MATN2: variants seen among roughly 807,000 people sequenced by gnomAD.
The protein encoded by MATN2 is matrilin 2.
In MATN2, 69 loss-of-function variants were observed where a neutral mutation model predicts 103.2. The observed-to-expected ratio is 0.67, with a 90% confidence interval of 0.55 to 0.82. The LOEUF is 0.82. Ranked by LOEUF, MATN2 falls within the 40% of genes least tolerant of loss-of-function variation. The probability of loss-of-function intolerance (pLI) is 0.00; values close to 1 mark genes in which losing one functional copy is unlikely to be tolerated. For synonymous variants in MATN2, 429 were observed against 450.2 expected, an observed-to-expected ratio of 0.95 and a Z score of 0.60; for missense variants, 1,023 against 1,211.5, an observed-to-expected ratio of 0.84 and a Z score of 2.31.
At chr8:97,939,968 G>T (rs1810500897) in intron 3 of MATN2, among the ~76,000 whole-genome samples, 1 of 152,182 alleles carries the variant, frequency 6.6e-6, no homozygotes, top group South Asian at 2.1e-4. Context: ...ACCTACAGAT[G>T]TAAAATAAGA....
intron 1 of MATN2, among the ~76,000 whole-genome samples, chr8:97,870,523 GA>G (rs61300419): frequency 0.33 from 47,815 of 146,518 alleles, 8,771 homozygotes; most frequent in Non-Finnish European, 0.42. Flanking sequence ...CGTCTCAAAA[GA>G]AAAAAAAAAA....
At chr8:97,892,955 C>T (rs1818680235) in intron 2 of MATN2, among the ~76,000 whole-genome samples, 1 of 152,198 alleles carries the variant, frequency 6.6e-6, no homozygotes, top group South Asian at 2.1e-4. Context: ...CAGTGGGGCT[C>T]CGATGTGGCG....
chr8:98,000,617 T>C (rs1455353203), intron 7 of MATN2, among the ~76,000 whole-genome samples: 2 of 81,298 alleles, frequency 2.5e-5, no homozygotes, highest in Non-Finnish European at 5.7e-5. Context: ...AAAAGAAATA[T>C]GGTTAACAAT....
intron 10 of MATN2, among the ~76,000 whole-genome samples, chr8:98,011,472 G>A (rs949623403): frequency 2.0e-5 from 3 of 152,188 alleles, no homozygotes; most frequent in Non-Finnish European, 2.9e-5. Context: ...GGCCCTGGTC[G>A]GGGAGTCAGT....
At chr8:97,989,501 C>T (rs7835393) in intron 6 of MATN2, among the ~76,000 whole-genome samples, 1 of 151,294 alleles carries the variant, frequency 6.6e-6, no homozygotes, top group African/African-American at 2.4e-5. Context: ...AAGGTAACTG[C>T]CTCAATCTGA....
chr8:98,000,383 G>A (rs1812737558), intron 7 of MATN2, among the ~76,000 whole-genome samples: 1 of 151,426 alleles, frequency 6.6e-6, no homozygotes, highest in Non-Finnish European at 1.5e-5. Context: ...TGGATCACAA[G>A]GTCAGGAGAT....
At chr8:97,877,669 T>A (rs1436364068) in intron 1 of MATN2, among the ~76,000 whole-genome samples, 1 of 152,002 alleles carries the variant, frequency 6.6e-6, no homozygotes, top group Non-Finnish European at 1.5e-5. Context: ...TCAGTTGTCA[T>A]AAATGCAATT....
intron 2 of MATN2, among the ~76,000 whole-genome samples, chr8:97,889,421 C>T (rs928199343): frequency 6.8e-6 from 1 of 146,182 alleles, no homozygotes; most frequent in Non-Finnish European, 1.5e-5. Context: ...AAAGAAATTC[C>T]AAGATGATAA....
At chr8:97,874,858 C>T (rs1188552865) in intron 1 of MATN2, among the ~76,000 whole-genome samples, 1 of 151,978 alleles carries the variant, frequency 6.6e-6, no homozygotes, top group Non-Finnish European at 1.5e-5. Flanking sequence ...GCTGGGATTA[C>T]AGGCGCGAGC....
intron 7 of MATN2, among the ~76,000 whole-genome samples, chr8:98,001,896 C>A (rs551906954): frequency 6.6e-6 from 1 of 152,294 alleles, no homozygotes; most frequent in Admixed American, 6.5e-5. Context: ...CAAAGAAGAA[C>A]ATGGTTGCCA....
At chr8:98,003,548 C>A in intron 7 of MATN2, 113 bp from the exon 8 acceptor site, 2 of 1,209,360 alleles carry the variant, frequency 1.7e-6, no homozygotes, top group South Asian at 2.7e-5. Flanking sequence ...CTTGCCTCAG[C>A]AGGCAGCACC....
rs1053941273 is a variant in MATN2, at chr8:98,036,393, G to A, written c.*681G>A. Reference sequence around the variant, plus strand: ...CAAAAATGAGTATATTTTTTAACAAGTGTTGGTAAGGATGTGGAAATGTGA... The same window carrying A: ...CAAAAATGAGTATATTTTTTAACAAATGTTGGTAAGGATGTGGAAATGTGA... On this transcript the variant is annotated 3_prime_UTR_variant, in exon 19 of 19. Coordinates refer to ENST00000254898, the MANE Select transcript of MATN2 (RefSeq NM_002380.5). 1 of 152,158 alleles carries A rather than the reference G, an allele frequency of 6.6e-6. No homozygotes were observed. Among genetic ancestry groups the A allele is most frequent in the African/African-American group, 2.4e-5 (1 of 41,426 alleles). The allele number at this position is 152,158 out of a possible 1,614,324, so 9.4% of individuals were successfully genotyped here. A position where few individuals can be genotyped will look rare whatever the true frequency, so the allele number is the denominator to read the frequency against.
chr8:97,991,189 G>A (rs559418744), intron 6 of MATN2, among the ~76,000 whole-genome samples: 3 of 152,304 alleles, frequency 2.0e-5, no homozygotes, highest in Admixed American at 6.5e-5. Flanking sequence ...GGAGCCACAC[G>A]TGGCCACTGA....
chr8:97,925,522 G>A (rs1381691064), intron 2 of MATN2, among the ~76,000 whole-genome samples: 1 of 152,136 alleles, frequency 6.6e-6, no homozygotes, highest in Non-Finnish European at 1.5e-5. Flanking sequence ...TCTAAGGTGT[G>A]TGTGAAGAAT....
intron 6 of MATN2, among the ~76,000 whole-genome samples, chr8:97,979,518 G>C (rs1244902075): frequency 2.6e-5 from 4 of 152,160 alleles, no homozygotes; most frequent in African/African-American, 9.7e-5. Flanking sequence ...ATAAAAATCA[G>C]AATTAATTTC....
intron 2 of MATN2, among the ~76,000 whole-genome samples, chr8:97,926,757 AT>A (rs1047907637): frequency 6.6e-6 from 1 of 152,174 alleles, no homozygotes; most frequent in Non-Finnish European, 1.5e-5. Flanking sequence ...CCTCTAGAAC[AT>A]TTTGGCTTCG....
chr8:98,012,971 C>G (rs1200994327), intron 10 of MATN2, among the ~76,000 whole-genome samples: 1 of 152,208 alleles, frequency 6.6e-6, no homozygotes, highest in Non-Finnish European at 1.5e-5. Flanking sequence ...CAGATAAGTG[C>G]TCCGTAAACA....
chr8:97,926,352 T>C (rs945474437), intron 2 of MATN2, among the ~76,000 whole-genome samples: 1 of 152,208 alleles, frequency 6.6e-6, no homozygotes, highest in African/African-American at 2.4e-5. Context: ...GGAAATCCAT[T>C]TCCTGGAAAC....
intron 3 of MATN2, 61 bp from the exon 4 acceptor site, chr8:97,941,716 G>A (rs1346989134): frequency 1.3e-6 from 2 of 1,532,542 alleles, no homozygotes; most frequent in Non-Finnish European, 1.8e-6. Context: ...ATGCTTGCTG[G>A]CTGGAATGGA....
Sources: allele counts gnomAD v4.1 joint callset (sites outside exome capture counted in the v4.1 genomes callset), GRCh38; gene constraint gnomAD v4.1.1; transcripts MANE v1.5; gene names NCBI Gene and HGNC (gene_info 2026-07-23, HGNC 2026-07-21).